The following YEATS4 variants were observed in gnomAD, a reference collection of about 807,000 sequenced individuals.
YEATS4 encodes YEATS domain containing 4.
In YEATS4, 17 loss-of-function variants were observed where a neutral mutation model predicts 30.1. The observed-to-expected ratio is 0.56, with a 90% confidence interval of 0.39 to 0.85. The LOEUF (loss-of-function observed/expected upper bound fraction) is 0.85, where lower values mean the gene tolerates loss of function less well. YEATS4 is among the 40% of genes least tolerant of loss of function. The pLI is 0.00. For synonymous variants in YEATS4, 85 were observed against 87.5 expected, an observed-to-expected ratio of 0.97 and a Z score of 0.16; for missense variants, 142 against 268.3, an observed-to-expected ratio of 0.53 and a Z score of 3.29.
At chr12:69,383,657 G>A (rs1239001677) in intron 6 of YEATS4, among the ~76,000 whole-genome samples, 2 of 152,186 alleles carry the variant, frequency 1.3e-5, no homozygotes, top group East Asian at 3.8e-4. Flanking sequence ...AGTAAGATGA[G>A]GGCCCAGTAA....
the YEATS4 span, among the ~76,000 whole-genome samples, chr12:69,398,394 T>C: frequency 3.3e-5 from 5 of 152,038 alleles, no homozygotes; most frequent in African/African-American, 1.2e-4. Context: ...AAAAATCAAT[T>C]AGTTCCATAC....
At chr12:69,416,929 C>T in the YEATS4 span, among the ~76,000 whole-genome samples, 13 of 151,488 alleles carry the variant, frequency 8.6e-5, no homozygotes, top group East Asian at 2.0e-4. Context: ...AAAAATTAGC[C>T]GGGCATGGTG....
chr12:69,363,059 C>G (rs571242359), intron 2 of YEATS4, 152 bp downstream of exon 2: 36 of 541,482 alleles, frequency 6.6e-5, no homozygotes, highest in Non-Finnish European at 7.1e-5. Context: ...GTGGCGCGAT[C>G]TCAGCTCACT....
intron 6 of YEATS4, among the ~76,000 whole-genome samples, chr12:69,372,309 C>T (rs540312156): frequency 4.3e-4 from 66 of 152,246 alleles, no homozygotes; most frequent in Non-Finnish European, 8.1e-4. Context: ...TATCGATCAC[C>T]TCAAGCATTT....
At chr12:69,374,448 T>C (rs1157461375) in intron 6 of YEATS4, among the ~76,000 whole-genome samples, 2 of 152,136 alleles carry the variant, frequency 1.3e-5, no homozygotes, top group African/African-American at 4.8e-5. Flanking sequence ...TCTTGGGTGT[T>C]TCTCGGAGAG....
chr12:69,386,026 G>A (rs935811335), intron 6 of YEATS4, among the ~76,000 whole-genome samples: 1 of 152,174 alleles, frequency 6.6e-6, no homozygotes, highest in Admixed American at 6.5e-5. Flanking sequence ...CTTTATAAAA[G>A]TAGTAATTCT....
downstream of YEATS4, among the ~76,000 whole-genome samples, chr12:69,391,597 T>C (rs1283113845): frequency 6.6e-6 from 1 of 151,998 alleles, no homozygotes; most frequent in Non-Finnish European, 1.5e-5. Flanking sequence ...CTTTTGCAAT[T>C]ATTATGGAGG....
chr12:69,390,117 T>C, intron 6 of YEATS4, 30 bp from the exon 7 acceptor site: 1 of 1,543,672 alleles, frequency 6.5e-7, no homozygotes, highest in Admixed American at 2.2e-5. Context: ...GTGAGAAAAA[T>C]ACTTTAGTAA....
chr12:69,414,815 G>A, the YEATS4 span, among the ~76,000 whole-genome samples: 25 of 152,202 alleles, frequency 1.6e-4, no homozygotes, highest in African/African-American at 6.0e-4. Flanking sequence ...ATTAACTGGG[G>A]TGATGTCGTT....
the YEATS4 span, among the ~76,000 whole-genome samples, chr12:69,421,752 C>T: frequency 2.8e-4 from 42 of 152,260 alleles, no homozygotes; most frequent in African/African-American, 9.9e-4. Flanking sequence ...CATGCCCCAC[C>T]CAAAGGTAGT....
intron 1 of YEATS4, among the ~76,000 whole-genome samples, chr12:69,361,147 G>A (rs1296795409): frequency 6.6e-6 from 1 of 152,004 alleles, no homozygotes; most frequent in Non-Finnish European, 1.5e-5. Context: ...GCAGTGAGCT[G>A]AGATCGTGCC....
chr12:69,369,774 C>A (rs948880607), intron 4 of YEATS4, among the ~76,000 whole-genome samples: 1 of 152,032 alleles, frequency 6.6e-6, no homozygotes, highest in African/African-American at 2.4e-5. Context: ...TGTGCATTTC[C>A]CTCCTCCCCT....
chr12:69,380,597 G>A (rs7133487), intron 6 of YEATS4, among the ~76,000 whole-genome samples: 60,459 of 152,038 alleles, frequency 0.4, 12,392 homozygotes, highest in Non-Finnish European at 0.46. Context: ...CACTGTAACC[G>A]CTGCCTGGCT....
chr12:69,378,768 A>ATAT (rs1224837912), intron 6 of YEATS4, among the ~76,000 whole-genome samples: 5 of 152,164 alleles, frequency 3.3e-5, no homozygotes, highest in African/African-American at 1.2e-4. Context: ...TGATCGGTTC[A>ATAT]TCTTTTCATA....
At chr12:69,419,033 A>ATG in the YEATS4 span, among the ~76,000 whole-genome samples, 1 of 145,448 alleles carries the variant, frequency 6.9e-6, no homozygotes, top group Non-Finnish European at 1.5e-5. Flanking sequence ...ATATATATAT[A>ATG]TGTATATGAG....
At chr12:69,398,482 G>T in the YEATS4 span, among the ~76,000 whole-genome samples, 1 of 151,924 alleles carries the variant, frequency 6.6e-6, no homozygotes, top group African/African-American at 2.4e-5. Context: ...TAAAATACTT[G>T]GGAATATAAC....
the YEATS4 span, among the ~76,000 whole-genome samples, chr12:69,398,699 C>G: frequency 6.6e-6 from 1 of 151,650 alleles, no homozygotes; most frequent in Non-Finnish European, 1.5e-5. Flanking sequence ...CCTGTAGTCC[C>G]AGCTACTTGG....
At chr12:69,372,195 A>G (rs1407764418) in intron 6 of YEATS4, among the ~76,000 whole-genome samples, 2 of 152,196 alleles carry the variant, frequency 1.3e-5, no homozygotes, top group Non-Finnish European at 2.9e-5. Context: ...CTTCTTTAAA[A>G]TGTTTAATTT....
chr12:69,393,087 CT>C (rs1185169781), downstream of YEATS4, among the ~76,000 whole-genome samples: 2 of 152,162 alleles, frequency 1.3e-5, no homozygotes, highest in East Asian at 1.9e-4. Flanking sequence ...AGCATTACCC[CT>C]AATGTCTTCA....
Sources: gnomAD v4.1 joint callset for allele counts (sites outside exome capture counted in the v4.1 genomes callset) on GRCh38, gnomAD v4.1.1 for gene constraint, MANE v1.5 for transcripts, NCBI Gene and HGNC (gene_info 2026-07-23, HGNC 2026-07-21) for gene names.